The following FANCI variants were observed in gnomAD, a reference collection of about 807,000 sequenced individuals.
The protein encoded by FANCI is Fanconi anemia group I protein.
FANCI carries 156 observed loss-of-function variants against 176.1 expected under a neutral mutation model. That is an observed-to-expected ratio of 0.89 (90% CI 0.78 to 1.01). FANCI has a LOEUF of 1.01. Among genes scored for constraint, FANCI ranks in the 50% least tolerant of loss-of-function variants. The pLI, the probability that FANCI is intolerant of heterozygous loss-of-function variation, is 0.00. For missense variants in FANCI, 1,678 were observed against 1,534.1 expected (o/e 1.09, Z -1.57); for synonymous variants, 613 against 541.7 (o/e 1.13, Z -1.83).
rs148606814 is a variant in FANCI, at chr15:89,279,421, G to A, written c.1381+647G>A. 4.8e-3 allele frequency among the ~76,000 whole-genome samples: 724 copies of A among 152,260 alleles called. 3 individuals carry two copies. The highest frequency in any genetic ancestry group is 0.017 in the African/African-American group (692 of 41,552). On this transcript the variant is annotated intron_variant, in intron 14 of 37. Coordinates refer to ENST00000310775, the MANE Select transcript of FANCI (RefSeq NM_001113378.2). ...GATCCACCCACCTTAGCTTCCCAAA[G>A]TGCTGGGATTACAGGCGTGAGCCAC...
Position 89,316,623 on chromosome 15 carries a change from C to G in FANCI, c.*164C>G. On this transcript the variant is annotated 3_prime_UTR_variant, in exon 38 of 38. Coordinates refer to ENST00000310775, the MANE Select transcript of FANCI (RefSeq NM_001113378.2). ...TTAGAAGGAATCTTCTTGGCAGGTC[C>G]TGCTACTGAAAAATGGCTGGCCTTA... 1 of 1,120,376 alleles carries G rather than the reference C, an allele frequency of 8.9e-7. No individual in the cohort carries two copies. The allele number at this position is 1,120,376 out of a possible 1,614,324, so 69.4% of individuals were successfully genotyped here.
downstream of FANCI, chr15:89,317,200 A>G: frequency 1.6e-6 from 1 of 641,474 alleles, no homozygotes; most frequent in Non-Finnish European, 2.8e-6. Flanking sequence ...TCATTTCTGA[A>G]ACATCATATC....
In FANCI at chr15:89,283,256, G is replaced by A; in HGVS notation, c.1698+6G>A. On this transcript the variant is annotated splice_donor_region_variant and intron_variant, in intron 17 of 37. Transcript: ENST00000310775. ...AGTCTCTCAGTGTCAGTCAGGTAAGGATTATTTACGTTAACTTGCAGTGTG... is the reference window on the plus strand; with the variant it reads ...AGTCTCTCAGTGTCAGTCAGGTAAGAATTATTTACGTTAACTTGCAGTGTG... The A allele has an allele frequency of 6.2e-7, 1 of 1,613,968 alleles. No homozygotes were observed. The highest frequency in any genetic ancestry group is 1.1e-5 in the South Asian group (1 of 91,078).
At chr15:89,261,387 T>TA (rs2052706330) in intron 4 of FANCI, among the ~76,000 whole-genome samples, 198 bp from the exon 5 acceptor site, 1 of 152,236 alleles carries the variant, frequency 6.6e-6, no homozygotes, top group South Asian at 2.1e-4. Flanking sequence ...AGGGAACCGA[T>TA]ACAGGATTCT....
chr15:89,291,760 A>T, intron 20 of FANCI, 46 bp downstream of exon 20: 1 of 1,489,300 alleles, frequency 6.7e-7, no homozygotes, highest in South Asian at 1.1e-5. Context: ...AGTATTAAGG[A>T]TAGGGTTGAA....
At chr15:89,307,864 T>A in intron 34 of FANCI, 192 bp downstream of exon 34, 2 of 1,459,144 alleles carry the variant, frequency 1.4e-6, no homozygotes, top group Non-Finnish European at 1.8e-6. Flanking sequence ...TAAAGAAAAC[T>A]GTTTCACTTA....
At chr15:89,314,836 T>TCCCC (rs1180873508) in intron 36 of FANCI, 129 bp downstream of exon 36, 1 of 217,670 alleles carries the variant, frequency 4.6e-6, no homozygotes, top group East Asian at 7.8e-5. Flanking sequence ...ATCCCCCCTC[T>TCCCC]CCCCCCCCCC....
At chr15:89,305,075 C>A in intron 28 of FANCI, 40 bp from the exon 29 acceptor site, 2 of 1,610,818 alleles carry the variant, frequency 1.2e-6, no homozygotes, top group South Asian at 2.2e-5. Flanking sequence ...TGCACTTGGC[C>A]ACAACTTACC....
intron 11 of FANCI, 113 bp from the exon 12 acceptor site, chr15:89,274,055 T>A: frequency 1.2e-6 from 1 of 812,718 alleles, no homozygotes; most frequent in South Asian, 1.7e-5. Flanking sequence ...AGGTTAAGAT[T>A]TATAGCATGA....
intron 34 of FANCI, 114 bp downstream of exon 34, chr15:89,307,786 A>G (rs2054784580): frequency 6.3e-7 from 1 of 1,575,732 alleles, no homozygotes; most frequent in Non-Finnish European, 8.6e-7. Flanking sequence ...CCTGCTTACC[A>G]CAAGCTGGAG....
In FANCI at chr15:89,313,900, TACACACACACACAC is replaced by T. The variant is rs34352725; in HGVS notation, c.3721-699_3721-686del. ...GTACAGTATCCTCATGGGTTAAAAA[TACACACACACACAC>T]ACACACACACACGTAGGACCTACAA... On this transcript the variant is annotated intron_variant, in intron 35 of 37. Transcript: ENST00000310775. Among the ~76,000 whole-genome samples, 5 of 142,732 alleles carry T rather than the reference TACACACACACACAC, an allele frequency of 3.5e-5. No individual in the cohort carries two copies. The East Asian group carries it at 8.6e-4, about 25-fold the overall frequency. The allele number at this position is 142,732 out of a possible 152,430, so 93.6% of individuals were successfully genotyped here.
At chr15:89,261,343 A>G (rs916532159) in intron 4 of FANCI, among the ~76,000 whole-genome samples, 6 of 152,112 alleles carry the variant, frequency 3.9e-5, no homozygotes, top group African/African-American at 1.2e-4. Flanking sequence ...ATGGACATAT[A>G]TCTCTTTGAA....
intron 2 of FANCI, among the ~76,000 whole-genome samples, chr15:89,254,023 A>G (rs190731278): frequency 1.8e-3 from 270 of 152,174 alleles, no homozygotes; most frequent in Non-Finnish European, 3.1e-3. Context: ...ATAAACATGC[A>G]TACATTTCCT....
At chr15:89,268,085 C>T (rs577220040) in intron 9 of FANCI, among the ~76,000 whole-genome samples, 27 of 152,156 alleles carry the variant, frequency 1.8e-4, no homozygotes, top group East Asian at 1.9e-4. Context: ...ACTCAAAAAC[C>T]ATAGCTCATA....
rs747796401 is a variant in FANCI, at chr15:89,293,995, C to T, written c.2454C>T (p.Phe818=). The change falls in exon 23 of 38, where the codon TTC becomes TTT. Residue 818 remains phenylalanine (F), a splice_region_variant and synonymous_variant. Transcript: ENST00000310775. ...KFVSSLLTAL[F]RDSIQSHQES... ...TGTCCAGTCTTCTCACTGCTCTTTT[C>T]AGGTAAGGTTCTGCTAGAGTGCTTA... 6.8e-6 allele frequency: 11 copies of T among 1,614,110 alleles called. No individual in the cohort carries two copies. In the South Asian group the frequency reaches 1.1e-4, roughly 16 times the overall value.
intron 18 of FANCI, 63 bp from the exon 19 acceptor site, chr15:89,290,150 T>C (rs1408436079): frequency 1.6e-6 from 2 of 1,283,226 alleles, no homozygotes; most frequent in East Asian, 4.6e-5. Context: ...TTTTAAGTTA[T>C]GATTGTCCAG....
chr15:89,283,530 A>C (rs1313489590), intron 17 of FANCI, among the ~76,000 whole-genome samples: 1 of 152,220 alleles, frequency 6.6e-6, no homozygotes, highest in Non-Finnish European at 1.5e-5. Flanking sequence ...TGGCTAGTCC[A>C]CATTGTGTTG....
chr15:89,303,586 T>C (rs2054603108), intron 27 of FANCI, among the ~76,000 whole-genome samples: 1 of 152,212 alleles, frequency 6.6e-6, no homozygotes, highest in Non-Finnish European at 1.5e-5. Flanking sequence ...TAGACCACTA[T>C]GGTAGAAGCA....
At position 89,247,680 on chromosome 15, in the gene FANCI, A is replaced by G. The variant is rs878854180; in HGVS notation, c.33A>G (p.Glu11=). The G allele has an allele frequency of 1.2e-6, 2 of 1,613,948 alleles. No homozygotes were observed. Among genetic ancestry groups the G allele is most frequent in the African/African-American group, 2.7e-5 (2 of 74,932 alleles). ...AGAAGATTTTATCTCTAGCAGCAGA[A>G]AAAACAGCAGACAAACTGCAAGAAT... MDQKILSLAA[E]KTADKLQEFL... The change falls in exon 2 of 38, where the codon GAA becomes GAG. Residue 11 remains glutamate (E), a synonymous_variant. Transcript: ENST00000310775.
Sources: gnomAD v4.1 joint callset for allele counts (sites outside exome capture counted in the v4.1 genomes callset) on GRCh38, gnomAD v4.1.1 for gene constraint, MANE v1.5 for transcripts, NCBI Gene and HGNC (gene_info 2026-07-23, HGNC 2026-07-21) for gene names.